Variants in STK33 observed in about 807,000 individuals in gnomAD.
The protein encoded by STK33 is serine/threonine kinase 33.
Under a neutral mutation model 58.0 loss-of-function variants are expected in STK33, and 52 were observed. The observed-to-expected ratio is 0.90, with a 90% CI of 0.72 to 1.13. The LOEUF (loss-of-function observed/expected upper bound fraction) is 1.13. STK33 is among the 50% of genes most tolerant of loss of function. The pLI, the probability that STK33 is intolerant of heterozygous loss-of-function variation, is 0.00. For missense variants in STK33, 630 were observed against 604.2 expected (o/e 1.04, Z -0.45); for synonymous variants, 215 against 200.1 (o/e 1.07, Z -0.63).
intron 1 of STK33, among the ~76,000 whole-genome samples, chr11:8,493,214 G>C (rs896303631): frequency 6.6e-6 from 1 of 151,886 alleles, no homozygotes. Flanking sequence ...GACTAATAAA[G>C]AAGAAAACAG....
At chr11:8,388,984 G>A (rs1029323860), downstream of STK33, among the ~76,000 whole-genome samples, 5 of 152,192 alleles carry the variant, frequency 3.3e-5, no homozygotes, top group Non-Finnish European at 5.9e-5. Context: ...GTAGGAGACT[G>A]GCAGCCAGAG....
At position 8,548,879 on chromosome 11, in the gene STK33, T is replaced by C. The variant is rs75233853; in HGVS notation, c.-466+45204A>G. The stretch of plus-strand genomic sequence containing the variant: ...TTTATCCCTAGGTGTTTTATATTCT[T>C]GTAGCTATTGTAAATGGGATTACTT... On this transcript the variant is annotated intron_variant, in intron 1 of 15. Transcript: ENST00000687296. Among the ~76,000 whole-genome samples the C allele has an allele frequency of 3.7e-3, 564 of 152,312 alleles. 5 individuals carry two copies. The highest frequency in any genetic ancestry group is 0.013 in the African/African-American group (525 of 41,570).
At chr11:8,366,110 A>C in the STK33 span, among the ~76,000 whole-genome samples, 3 of 152,212 alleles carry the variant, frequency 2.0e-5, no homozygotes, top group Non-Finnish European at 4.4e-5. Context: ...GAAGCAGACC[A>C]CTACAACCTT....
chr11:8,355,908 G>A, the STK33 span, among the ~76,000 whole-genome samples: 2 of 152,200 alleles, frequency 1.3e-5, no homozygotes, highest in East Asian at 3.8e-4. Flanking sequence ...GCAACAAACA[G>A]CAGCCACATG....
chr11:8,401,649 A>C (rs556172093), intron 15 of STK33, among the ~76,000 whole-genome samples: 1 of 152,158 alleles, frequency 6.6e-6, no homozygotes, highest in East Asian at 1.9e-4. Flanking sequence ...GAGCTTCTGC[A>C]TAGCAAAAGA....
chr11:8,472,503 T>G (rs573929356), intron 6 of STK33, among the ~76,000 whole-genome samples: 1 of 152,046 alleles, frequency 6.6e-6, no homozygotes, highest in East Asian at 1.9e-4. Flanking sequence ...AGATGAAGAG[T>G]GGTCAGTCAG....
intron 1 of STK33, among the ~76,000 whole-genome samples, chr11:8,583,602 CT>C (rs1180967498): frequency 3.3e-5 from 5 of 152,120 alleles, no homozygotes; most frequent in Admixed American, 1.3e-4. Flanking sequence ...GTTAACCCCC[CT>C]ATATGCTAGT....
At chr11:8,586,361 C>G (rs2031627115) in intron 1 of STK33, among the ~76,000 whole-genome samples, 1 of 152,070 alleles carries the variant, frequency 6.6e-6, no homozygotes, top group Non-Finnish European at 1.5e-5. Flanking sequence ...GACTTACATG[C>G]TTTTCCACCT....
At position 8,392,454 on chromosome 11, in the gene STK33, T is replaced by A; in HGVS notation, c.*56A>T. 1.9e-6 allele frequency: 3 copies of A among 1,601,038 alleles called. No homozygotes were observed. The highest frequency in any genetic ancestry group is 1.1e-5 in the South Asian group (1 of 90,074). ...GTCTTCTTCCCCTCCTACCCCCTCA[T>A]CAAAGTGCTAACAAGAGCAGCTTTG... On this transcript the variant is annotated 3_prime_UTR_variant, in exon 16 of 16. Transcript: ENST00000687296.
chr11:8,423,108 C>T (rs1378309148), intron 14 of STK33, among the ~76,000 whole-genome samples: 5 of 151,656 alleles, frequency 3.3e-5, no homozygotes, highest in Admixed American at 3.3e-4. Context: ...TCCCAAAGTG[C>T]TAGGATTATA....
Position 8,443,862 on chromosome 11 carries a change from T to C in STK33, c.872-3109A>G, listed in dbSNP as rs189607690. Among the ~76,000 whole-genome samples the C allele has an allele frequency of 6.2e-4, 95 of 152,178 alleles. 2 individuals are homozygous for C. The East Asian group carries it at 0.016, about 26-fold the overall frequency. On this transcript the variant is annotated intron_variant, in intron 11 of 15. Transcript: ENST00000687296. Reference sequence around the variant, plus strand: ...TAAACAGAAAAAAGTTATCTGGGAATGATGGCACATGCCTGTGCTCCTTGC... The same window carrying C: ...TAAACAGAAAAAAGTTATCTGGGAACGATGGCACATGCCTGTGCTCCTTGC...
At chr11:8,582,818 T>C (rs1230618643) in intron 1 of STK33, among the ~76,000 whole-genome samples, 1 of 152,136 alleles carries the variant, frequency 6.6e-6, no homozygotes, top group Admixed American at 6.6e-5. Context: ...ATAAAACCAA[T>C]GAGATAAGTC....
intron 1 of STK33, among the ~76,000 whole-genome samples, chr11:8,504,820 A>C (rs916848237): frequency 4.6e-5 from 7 of 152,032 alleles, no homozygotes; most frequent in Admixed American, 4.6e-4. Context: ...AAATAAATAA[A>C]TTATATAAAC....
chr11:8,571,085 A>T (rs759318600), intron 1 of STK33, among the ~76,000 whole-genome samples: 7 of 152,198 alleles, frequency 4.6e-5, no homozygotes, highest in Non-Finnish European at 7.3e-5. Flanking sequence ...CCATGATTGC[A>T]CCAGTTTAAC....
intron 15 of STK33, among the ~76,000 whole-genome samples, chr11:8,396,748 C>T (rs111254697): frequency 0.015 from 2,298 of 152,280 alleles, 51 homozygotes; most frequent in African/African-American, 0.05. Context: ...CTTGGAAAAT[C>T]GGGTCACTCC....
chr11:8,497,406 AC>A, intron 1 of STK33, among the ~76,000 whole-genome samples: 1 of 152,350 alleles, frequency 6.6e-6, no homozygotes, highest in African/African-American at 2.4e-5. Flanking sequence ...CAAAAGATTA[AC>A]AACTAAATTG....
chr11:8,392,718 T>C lies in STK33; in HGVS notation c.1345-8A>G, dbSNP rs190033774. 4 of 1,613,862 alleles carry C rather than the reference T, an allele frequency of 2.5e-6. No homozygotes were observed. Among genetic ancestry groups the C allele is most frequent in the African/African-American group, 2.7e-5 (2 of 75,020 alleles). ...CTTTTCATAAGCAGTAGACTGCAAA[T>C]AAAAGGTCTTGATTAATTTTCAGAC... On this transcript the variant is annotated splice_polypyrimidine_tract_variant and splice_region_variant and intron_variant, in intron 15 of 15. Transcript: ENST00000687296.
At chr11:8,379,759 G>A in the STK33 span, among the ~76,000 whole-genome samples, 2 of 152,030 alleles carry the variant, frequency 1.3e-5, no homozygotes, top group African/African-American at 4.8e-5. Context: ...TATTTTTTCT[G>A]ATCCTCTCCC....
the STK33 span, among the ~76,000 whole-genome samples, chr11:8,373,175 G>C: frequency 6.6e-6 from 1 of 152,168 alleles, no homozygotes; most frequent in African/African-American, 2.4e-5. Context: ...GCAAAGGTTG[G>C]GAAGCAAGAC....
Sources: allele counts gnomAD v4.1 joint callset (sites outside exome capture counted in the v4.1 genomes callset), GRCh38; gene constraint gnomAD v4.1.1; transcripts MANE v1.5; gene names NCBI Gene and HGNC (gene_info 2026-07-23, HGNC 2026-07-21).